The following EXD3 variants were observed in gnomAD, a reference collection of about 807,000 sequenced individuals.
EXD3 encodes exonuclease 3'-5' domain containing 3, also known as exonuclease mut-7 homolog.
EXD3 carries 92 observed loss-of-function variants against 98.0 expected under a neutral mutation model. The observed-to-expected ratio is 0.94, with a 90% CI of 0.79 to 1.12. The LOEUF (loss-of-function observed/expected upper bound fraction) is 1.12. Among genes scored for constraint, EXD3 ranks in the 50% most tolerant of loss-of-function variants. The pLI is 0.00. For missense variants in EXD3, 1,222 were observed against 1,191.6 expected (o/e 1.03, Z -0.38); for synonymous variants, 569 against 526.0 (o/e 1.08, Z -1.12).
intron 3 of EXD3, chr9:137,374,592 C>G (rs1463220987): frequency 3.0e-6 from 3 of 985,516 alleles, no homozygotes; most frequent in Non-Finnish European, 3.6e-6. Flanking sequence ...CACCCAGGAA[C>G]AGCCGTGGAG....
intron 10 of EXD3, chr9:137,353,714 A>G (rs1834439181): frequency 1.0e-6 from 1 of 985,492 alleles, no homozygotes. Context: ...CCCTCCCCGC[A>G]AGGTCCTGGA....
rs1206870762 is a variant in EXD3, at chr9:137,371,508, C to A, written c.462+1397G>T. On this transcript the variant is annotated intron_variant, in intron 5 of 21. Transcript: ENST00000340951. The surrounding 1 kb of genome is among the most constrained non-coding windows in gnomAD (Gnocchi z 8.0). Reference sequence around the variant, plus strand: ...TTGCTGGGAAGAGGAACCCAGGGTGCCATCGGGACGGCGTCTCAGCAGCAG... The same window carrying A: ...TTGCTGGGAAGAGGAACCCAGGGTGACATCGGGACGGCGTCTCAGCAGCAG... Among the ~76,000 whole-genome samples, 4 of 152,118 alleles carry A rather than the reference C, an allele frequency of 2.6e-5. No individual in the cohort carries two copies. Among genetic ancestry groups the A allele is most frequent in the Admixed American group, 2.6e-4 (4 of 15,292 alleles).
At position 137,307,968 on chromosome 9, in the gene EXD3, C is replaced by T. The variant is rs1465784956; in HGVS notation, c.2279-322G>A. ...CCGGCGGGCGGGGGCGGGGGCAGCC[C>T]ATTTGTGGTGATGAGCAGATAAGCC... is the stretch of plus-strand genomic sequence containing the variant. On this transcript the variant is annotated intron_variant, in intron 20 of 21. Coordinates refer to ENST00000340951, the MANE Select transcript of EXD3 (RefSeq NM_017820.5). Among the ~76,000 whole-genome samples, 9 of 135,624 alleles carry T rather than the reference C, an allele frequency of 6.6e-5. No homozygotes were observed. The Admixed American group carries it at 7.1e-4, about 11-fold the overall frequency. The allele number at this position is 135,624 out of a possible 152,430, so 89.0% of individuals were successfully genotyped here. A position where few individuals can be genotyped will look rare whatever the true frequency, so the allele number is the denominator to read the frequency against.
chr9:137,388,495 G>A (rs894395809), intron 2 of EXD3, among the ~76,000 whole-genome samples: 2 of 152,124 alleles, frequency 1.3e-5, no homozygotes, highest in African/African-American at 2.4e-5. Flanking sequence ...AGTGGGTGGC[G>A]CCGAAGGCTC....
intron 17 of EXD3, among the ~76,000 whole-genome samples, chr9:137,331,184 G>T (rs1833047394): frequency 6.6e-6 from 1 of 152,114 alleles, no homozygotes; most frequent in African/African-American, 2.4e-5. Flanking sequence ...TGCATACAAA[G>T]CACTTGACAA....
In EXD3 at chr9:137,385,004, A is replaced by C. The variant is rs1476278215; in HGVS notation, c.56-1627T>G. On this transcript the variant is annotated intron_variant, in intron 2 of 21. Transcript: ENST00000340951. The surrounding 1 kb of genome is among the most constrained non-coding windows in gnomAD (Gnocchi z 4.4). ...CTACTCGGGAGGCTGAGGCAGGAGAACAGCATGAACCCGGGAGGCGGAGGT... is the reference window on the plus strand; with the variant it reads ...CTACTCGGGAGGCTGAGGCAGGAGACCAGCATGAACCCGGGAGGCGGAGGT... 2.6e-5 allele frequency among the ~76,000 whole-genome samples: 4 copies of C among 152,132 alleles called. No homozygotes were observed. The highest frequency in any genetic ancestry group is 9.7e-5 in the African/African-American group (4 of 41,440).
At position 137,403,174 on chromosome 9, in the gene EXD3, G is replaced by A. The variant is rs1837549630; in HGVS notation, c.-47-7770C>T. 6.6e-6 allele frequency among the ~76,000 whole-genome samples: 1 copy of A among 152,022 alleles called. No homozygotes were observed. On this transcript the variant is annotated intron_variant, in intron 1 of 21. Coordinates refer to ENST00000340951, the MANE Select transcript of EXD3 (RefSeq NM_017820.5). The surrounding 1 kb of genome is among the most constrained non-coding windows in gnomAD (Gnocchi z 6.1). ...CCCTCTCCCCTCCATGGCAGTGTGG[G>A]GACTGCTATGCATATCTGAAAGTGA...
chr9:137,374,090 C>T (rs756294368), intron 3 of EXD3, among the ~76,000 whole-genome samples: 1 of 152,264 alleles, frequency 6.6e-6, no homozygotes, highest in Non-Finnish European at 1.5e-5. Flanking sequence ...CTGTTTTGGG[C>T]TCTGGCTTCC....
chr9:137,375,135 T>C (rs570852720), intron 3 of EXD3, among the ~76,000 whole-genome samples: 1 of 152,102 alleles, frequency 6.6e-6, no homozygotes, highest in African/African-American at 2.4e-5. Context: ...CAGCCTCCCG[T>C]GTAGCTGGGA....
chr9:137,365,688 A>G, intron 7 of EXD3: 1 of 260,582 alleles, frequency 3.8e-6, no homozygotes, highest in Non-Finnish European at 7.5e-6. Flanking sequence ...ACAGGCACAC[A>G]TGCACACACG....
At position 137,371,995 on chromosome 9, in the gene EXD3, G is replaced by A. The variant is rs570809023; in HGVS notation, c.462+910C>T. Among the ~76,000 whole-genome samples the A allele has an allele frequency of 6.6e-6, 1 of 152,270 alleles. No homozygotes were observed. The highest frequency in any genetic ancestry group is 2.1e-4 in the South Asian group (1 of 4,826). ...GTCACAGCTTGGCCAGGCTCAGGAC[G>A]ACGGGGCTGTGATGCTAGACCTGGT... On this transcript the variant is annotated intron_variant, in intron 5 of 21. Transcript: ENST00000340951. This position sits in a 1 kb window ranked among gnomAD's most constrained non-coding sequence, Gnocchi z 8.0.
At chr9:137,418,685 AAAAGC>A (rs1234076832) in intron 1 of EXD3, among the ~76,000 whole-genome samples, 3 of 152,230 alleles carry the variant, frequency 2.0e-5, no homozygotes, top group African/African-American at 4.8e-5. Flanking sequence ...GATGTATAAG[AAAAGC>A]AGAGTTTGTT....
At chr9:137,382,930 G>C (rs28557426) in intron 3 of EXD3, among the ~76,000 whole-genome samples, 1 of 152,134 alleles carries the variant, frequency 6.6e-6, no homozygotes, top group African/African-American at 2.4e-5. Context: ...CCTTCCTAAG[G>C]CCTCCCTGTC....
intron 1 of EXD3, among the ~76,000 whole-genome samples, chr9:137,411,520 C>T (rs3934683): frequency 0.011 from 1,638 of 151,954 alleles, 21 homozygotes; most frequent in African/African-American, 0.037. Context: ...GGACCCAAAG[C>T]TCCCTCAAAC....
intron 1 of EXD3, among the ~76,000 whole-genome samples, chr9:137,399,410 G>A (rs549872054): frequency 6.6e-6 from 1 of 152,192 alleles, no homozygotes; most frequent in Non-Finnish European, 1.5e-5. Context: ...CACTTCCTGA[G>A]AATTACTTTG....
chr9:137,372,728 T>G (rs959185559), intron 5 of EXD3, among the ~76,000 whole-genome samples, 177 bp downstream of exon 5: 1 of 152,180 alleles, frequency 6.6e-6, no homozygotes, highest in Non-Finnish European at 1.5e-5. Context: ...TGAGGGCTCC[T>G]GGGACCCGGC....
At chr9:137,366,319 C>T (rs1453850971) in intron 7 of EXD3, 174 bp downstream of exon 7, 2 of 920,238 alleles carry the variant, frequency 2.2e-6, no homozygotes, top group Admixed American at 2.0e-5. Flanking sequence ...GCCCCAGCCG[C>T]TCCTCTCCAG....
At chr9:137,388,289 G>A (rs1564199471) in intron 2 of EXD3, among the ~76,000 whole-genome samples, 1 of 151,800 alleles carries the variant, frequency 6.6e-6, no homozygotes, top group Non-Finnish European at 1.5e-5. Context: ...GGCAGAGGCG[G>A]CCAGGACGGC....
intron 5 of EXD3, among the ~76,000 whole-genome samples, chr9:137,370,440 G>A (rs1835528469): frequency 6.6e-6 from 1 of 152,052 alleles, no homozygotes; most frequent in South Asian, 2.1e-4. Context: ...CATGAGGACA[G>A]ATGGGGCAAA....
Sources: gnomAD v4.1 joint callset for allele counts (sites outside exome capture counted in the v4.1 genomes callset) on GRCh38, gnomAD v4.1.1 for gene constraint, Gnocchi (gnomAD v3.1) non-coding constraint, MANE v1.5 for transcripts, NCBI Gene and HGNC (gene_info 2026-07-23, HGNC 2026-07-21) for gene names.